The following RNF38 variants were observed in gnomAD, a reference collection of about 807,000 sequenced individuals.
RNF38 encodes the protein ring finger protein 38.
RNF38 carries 15 observed loss-of-function variants against 67.2 expected under a neutral mutation model. The ratio of observed to expected loss-of-function variants is 0.22; its 90% CI spans 0.15 to 0.34. RNF38 has a LOEUF of 0.34. Ranked by LOEUF, RNF38 falls within the 10% of genes least tolerant of loss-of-function variation. The probability of loss-of-function intolerance (pLI) is 1.00; values close to 1 mark genes in which losing one functional copy is unlikely to be tolerated. For missense variants in RNF38, 524 were observed against 639.9 expected, an observed-to-expected ratio of 0.82 and a Z score of 1.95; for synonymous variants, 220 against 218.8, an observed-to-expected ratio of 1.01 and a Z score of -0.05.
intron 1 of RNF38, among the ~76,000 whole-genome samples, chr9:36,396,126 AG>A (rs1365157439): frequency 6.6e-6 from 1 of 152,242 alleles, no homozygotes; most frequent in Non-Finnish European, 1.5e-5. Context: ...AACACCTAGA[AG>A]AGTACATGGC....
intron 1 of RNF38, among the ~76,000 whole-genome samples, chr9:36,479,575 C>A (rs1164344217): frequency 6.6e-6 from 1 of 151,974 alleles, no homozygotes; most frequent in Non-Finnish European, 1.5e-5. Context: ...CAATAACTGT[C>A]TTGAATTGCA....
chr9:36,466,839 T>C (rs1412720186), intron 1 of RNF38, among the ~76,000 whole-genome samples: 1 of 151,954 alleles, frequency 6.6e-6, no homozygotes, highest in South Asian at 2.1e-4. Context: ...ATGTATATTT[T>C]TGTAATCAGA....
chr9:36,347,755 AAG>A (rs1305705062), intron 9 of RNF38, among the ~76,000 whole-genome samples: 1 of 152,222 alleles, frequency 6.6e-6, no homozygotes, highest in Non-Finnish European at 1.5e-5. Context: ...AAGTGAAAGG[AAG>A]AGTCACATGT....
chr9:36,351,007 T>C, intron 9 of RNF38, 108 bp downstream of exon 9: 1 of 721,338 alleles, frequency 1.4e-6, no homozygotes, highest in Non-Finnish European at 2.4e-6. Flanking sequence ...TCTTCCAATG[T>C]GGCCCAGGAA....
At chr9:36,447,616 C>G (rs1039023039) in intron 1 of RNF38, among the ~76,000 whole-genome samples, 1 of 151,976 alleles carries the variant, frequency 6.6e-6, no homozygotes, top group Admixed American at 6.6e-5. Flanking sequence ...AATAAGCCAC[C>G]GAAGAAGCCT....
At chr9:36,477,025 A>G (rs559931481) in intron 1 of RNF38, among the ~76,000 whole-genome samples, 14 of 152,210 alleles carry the variant, frequency 9.2e-5, no homozygotes, top group African/African-American at 3.1e-4. Context: ...TTACAGTCTT[A>G]AAGTCTAAAG....
chr9:36,435,776 C>G (rs1338901548), intron 1 of RNF38, among the ~76,000 whole-genome samples: 1 of 152,010 alleles, frequency 6.6e-6, no homozygotes, highest in Non-Finnish European at 1.5e-5. Flanking sequence ...ACCACTGGTG[C>G]CTGCCACGAC....
At chr9:36,412,524 T>A (rs1477895534) in intron 2 of RNF38, among the ~76,000 whole-genome samples, 1 of 152,260 alleles carries the variant, frequency 6.6e-6, no homozygotes, top group African/African-American at 2.4e-5. Context: ...CAGATGGGAC[T>A]TCGTGGGAGG....
chr9:36,370,033 A>C, intron 3 of RNF38, 101 bp from the exon 4 acceptor site: 1 of 927,280 alleles, frequency 1.1e-6, no homozygotes. Flanking sequence ...TGCTAAGGTA[A>C]GCTTCATTAT....
chr9:36,397,081 G>GTGTATATATATATATA (rs147500340), intron 1 of RNF38, among the ~76,000 whole-genome samples: 1 of 141,648 alleles, frequency 7.1e-6, no homozygotes, highest in South Asian at 2.2e-4. Context: ...ATGTGTGTGT[G>GTGTATATATATATATA]TATATATATA....
At chr9:36,437,222 C>A (rs1839091548) in intron 1 of RNF38, among the ~76,000 whole-genome samples, 1 of 152,196 alleles carries the variant, frequency 6.6e-6, no homozygotes, top group Non-Finnish European at 1.5e-5. Flanking sequence ...CCTCCCCAAC[C>A]AACATCAGAC....
chr9:36,404,734 T>C (rs1173396238), upstream of RNF38, among the ~76,000 whole-genome samples: 1 of 152,226 alleles, frequency 6.6e-6, no homozygotes, highest in Non-Finnish European at 1.5e-5. Flanking sequence ...ATTCTGTTTA[T>C]ATCCTTGTCT....
At chr9:36,486,212 C>G (rs964821859) in intron 1 of RNF38, among the ~76,000 whole-genome samples, 2 of 152,180 alleles carry the variant, frequency 1.3e-5, no homozygotes, top group African/African-American at 4.8e-5. Context: ...TCTCTCCCTT[C>G]CCTCTAGAAC....
chr9:36,450,385 T>C (rs1839408454), intron 1 of RNF38, among the ~76,000 whole-genome samples: 1 of 152,144 alleles, frequency 6.6e-6, no homozygotes, highest in South Asian at 2.1e-4. Context: ...AGGGAACCAC[T>C]AGTACTTTCT....
At chr9:36,400,715 C>G (rs1428588958), upstream of RNF38, 3 of 985,596 alleles carry the variant, frequency 3.0e-6, no homozygotes, top group South Asian at 1.4e-4. Context: ...GGCACTGTCA[C>G]TGCGCTTCCT....
chr9:36,436,563 C>T (rs1334630099), intron 1 of RNF38, among the ~76,000 whole-genome samples: 7 of 152,136 alleles, frequency 4.6e-5, no homozygotes, highest in African/African-American at 1.7e-4. Context: ...GTGGCTCACA[C>T]CTGTAATCCC....
intron 9 of RNF38, among the ~76,000 whole-genome samples, chr9:36,349,778 A>G (rs1336214085): frequency 1.3e-5 from 2 of 152,090 alleles, no homozygotes; most frequent in African/African-American, 4.8e-5. Context: ...TCTTTAATCT[A>G]TTTTGAGTTA....
intron 1 of RNF38, among the ~76,000 whole-genome samples, chr9:36,446,947 C>T (rs1839319371): frequency 6.7e-6 from 1 of 148,948 alleles, no homozygotes. Flanking sequence ...GTGGTGAAAC[C>T]GTCTCTACCA....
chr9:36,416,161 C>A (rs1398671634), intron 2 of RNF38, among the ~76,000 whole-genome samples: 1 of 65,962 alleles, frequency 1.5e-5, no homozygotes, highest in South Asian at 5.8e-4. Flanking sequence ...TCTCCTTGGG[C>A]GGGGCTTGCT....
Sources: gnomAD v4.1 joint callset for allele counts (sites outside exome capture counted in the v4.1 genomes callset) on GRCh38, gnomAD v4.1.1 for gene constraint, MANE v1.5 for transcripts, NCBI Gene and HGNC (gene_info 2026-07-23, HGNC 2026-07-21) for gene names.